The following DOCK4 variants were observed in gnomAD, a reference collection of about 807,000 sequenced individuals.
DOCK4 encodes the protein dedicator of cytokinesis protein 4.
In DOCK4, 97 loss-of-function variants were observed where a neutral mutation model predicts 268.1. The observed-to-expected ratio is 0.36, with a 90% CI of 0.31 to 0.43. The LOEUF is 0.43. Ranked by LOEUF, DOCK4 falls within the 20% of genes least tolerant of loss-of-function variation. The pLI is 1.00. For missense variants in DOCK4, 2,145 were observed against 2,455.7 expected, an observed-to-expected ratio of 0.87 and a Z score of 2.67; for synonymous variants, 954 against 887.2, an observed-to-expected ratio of 1.08 and a Z score of -1.34.
At chr7:111,794,514 G>T (rs971390769) in intron 30 of DOCK4, among the ~76,000 whole-genome samples, 20 of 152,234 alleles carry the variant, frequency 1.3e-4, no homozygotes, top group Admixed American at 1.1e-3. Context: ...ATGGTGCAGG[G>T]TAGGGAAGGA....
chr7:111,832,649 T>G (rs780818785), intron 26 of DOCK4, among the ~76,000 whole-genome samples: 3 of 152,082 alleles, frequency 2.0e-5, no homozygotes, highest in Non-Finnish European at 4.4e-5. Flanking sequence ...CACCTCAGCC[T>G]CCCAAATAGC....
chr7:111,914,468 CAT>C (rs1331540069), intron 13 of DOCK4, among the ~76,000 whole-genome samples: 5 of 152,210 alleles, frequency 3.3e-5, no homozygotes, highest in Admixed American at 6.5e-5. Flanking sequence ...ACAAGGTCCA[CAT>C]GACTTCCCTC....
intron 5 of DOCK4, among the ~76,000 whole-genome samples, chr7:111,990,932 A>G (rs563824712): frequency 6.6e-6 from 1 of 152,340 alleles, no homozygotes; most frequent in East Asian, 1.9e-4. Context: ...TAGATTCTGT[A>G]CAGGCGATAC....
chr7:111,875,588 AAT>A (rs1806787623), intron 17 of DOCK4, among the ~76,000 whole-genome samples: 1 of 152,248 alleles, frequency 6.6e-6, no homozygotes, highest in African/African-American at 2.4e-5. Context: ...TATCCAGCTC[AAT>A]GTAATCACAA....
chr7:111,739,554 A>G, intron 47 of DOCK4, 77 bp from the exon 48 acceptor site: 2 of 1,303,688 alleles, frequency 1.5e-6, no homozygotes, highest in South Asian at 2.7e-5. Flanking sequence ...AAACAAAATC[A>G]TCAACTTTTT....
intron 1 of DOCK4, among the ~76,000 whole-genome samples, chr7:112,089,732 C>A (rs1420823957): frequency 6.6e-6 from 1 of 152,016 alleles, no homozygotes; most frequent in Admixed American, 6.6e-5. Flanking sequence ...AGCACCTCCC[C>A]CTTCTCGCTC....
intron 1 of DOCK4, among the ~76,000 whole-genome samples, chr7:112,038,495 C>T (rs1334160759): frequency 1.3e-5 from 2 of 152,130 alleles, no homozygotes; most frequent in African/African-American, 4.8e-5. Flanking sequence ...TGTCACCCTG[C>T]TACATAATTG....
intron 6 of DOCK4, among the ~76,000 whole-genome samples, chr7:111,988,239 C>T (rs975522194): frequency 6.6e-6 from 1 of 152,120 alleles, no homozygotes; most frequent in Non-Finnish European, 1.5e-5. Context: ...GAGGATAGGG[C>T]CATGTGGGTT....
rs57297756 is a variant in DOCK4 at position 112,077,538 on chromosome 7, G to C, written c.38-73407C>G. ...TTAAGAGTGATGGAATACGTATTTA[G>C]AAAAAGTCACTAATACATCATTCAT... On this transcript the variant is annotated intron_variant, in intron 1 of 52. Coordinates refer to ENST00000428084, the MANE Select transcript of DOCK4 (RefSeq NM_001363540.2). Among the ~76,000 whole-genome samples the C allele has an allele frequency of 3.7e-3, 556 of 152,208 alleles. 2 individuals carry two copies. The highest frequency in any genetic ancestry group is 0.013 in the African/African-American group (523 of 41,552).
intron 1 of DOCK4, among the ~76,000 whole-genome samples, chr7:112,173,249 A>T (rs1012889848): frequency 6.6e-5 from 10 of 152,202 alleles, no homozygotes; most frequent in African/African-American, 1.9e-4. Context: ...ATTGTGTGAG[A>T]AAGAAATAGC....
chr7:112,155,214 C>T (rs1458156911), intron 1 of DOCK4, among the ~76,000 whole-genome samples: 1 of 152,162 alleles, frequency 6.6e-6, no homozygotes, highest in Non-Finnish European at 1.5e-5. Context: ...TTTTAAAAGC[C>T]ATAACCAAAT....
intron 38 of DOCK4, among the ~76,000 whole-genome samples, chr7:111,766,131 G>C (rs1299346041): frequency 6.6e-6 from 1 of 152,184 alleles, no homozygotes; most frequent in Non-Finnish European, 1.5e-5. Context: ...ATGATGGACT[G>C]AAGTTAAAAC....
At chr7:111,898,247 A>G (rs1229237684) in intron 15 of DOCK4, among the ~76,000 whole-genome samples, 2 of 152,174 alleles carry the variant, frequency 1.3e-5, no homozygotes, top group Non-Finnish European at 2.9e-5. Context: ...GCATATTTCA[A>G]CCTCAAGCCT....
intron 1 of DOCK4, among the ~76,000 whole-genome samples, chr7:112,171,158 A>G (rs1818048192): frequency 1.3e-5 from 2 of 152,214 alleles, no homozygotes; most frequent in Non-Finnish European, 1.5e-5. Flanking sequence ...TCACGCTTCA[A>G]TAGCTTAAGC....
In DOCK4 at chr7:112,018,179, A is replaced by AAAAAAAAAAAACAC; in HGVS notation, c.38-14049_38-14048insGTGTTTTTTTTTTT. ...AAAAAAAAAAAAAAAAAAAAAAAAAAACACAGGCAACCAGTATTCATGTGG... is the reference window on the plus strand; with the variant it reads ...AAAAAAAAAAAAAAAAAAAAAAAAAAAAAAAAAAAAACACACACAGGCAACCAGTATTCATGTGG... On this transcript the variant is annotated intron_variant, in intron 1 of 52. Coordinates refer to ENST00000428084, the MANE Select transcript of DOCK4 (RefSeq NM_001363540.2). Among the ~76,000 whole-genome samples, 13 of 72,630 alleles carry AAAAAAAAAAAACAC rather than the reference A, an allele frequency of 1.8e-4. 3 individuals are homozygous for AAAAAAAAAAAACAC. Among genetic ancestry groups the AAAAAAAAAAAACAC allele is most frequent in the East Asian group, 4.0e-4 (1 of 2,480 alleles). The allele number at this position is 72,630 out of a possible 152,430, so 47.6% of individuals were successfully genotyped here. A position where few individuals can be genotyped will look rare whatever the true frequency, so the allele number is the denominator to read the frequency against.
chr7:112,188,007 T>G (rs1164968921), intron 1 of DOCK4, among the ~76,000 whole-genome samples: 1 of 152,236 alleles, frequency 6.6e-6, no homozygotes, highest in Non-Finnish European at 1.5e-5. Flanking sequence ...TTTAAATAAC[T>G]TAATAGCTCT....
intron 8 of DOCK4, among the ~76,000 whole-genome samples, chr7:111,946,858 A>G (rs1336979714): frequency 1.3e-5 from 2 of 152,256 alleles, no homozygotes; most frequent in Non-Finnish European, 2.9e-5. Flanking sequence ...CTGGGATTAC[A>G]GGCATGAGTC....
chr7:111,883,816 G>A (rs913458877), intron 16 of DOCK4, among the ~76,000 whole-genome samples: 1 of 152,150 alleles, frequency 6.6e-6, no homozygotes, highest in African/African-American at 2.4e-5. Context: ...TCTGAGTTAT[G>A]ACATCTTGAT....
At chr7:111,875,969 C>T (rs1465588677) in intron 17 of DOCK4, among the ~76,000 whole-genome samples, 1 of 152,244 alleles carries the variant, frequency 6.6e-6, no homozygotes, top group Non-Finnish European at 1.5e-5. Context: ...CCACACACAC[C>T]TAATCCACAT....
Sources: allele counts gnomAD v4.1 joint callset (sites outside exome capture counted in the v4.1 genomes callset), GRCh38; gene constraint gnomAD v4.1.1; transcripts MANE v1.5; gene names NCBI Gene and HGNC (gene_info 2026-07-23, HGNC 2026-07-21).